MACROH2A2: variants seen among roughly 807,000 people sequenced by gnomAD.
MACROH2A2 encodes the protein macroH2A.2 histone.
In MACROH2A2, 6 loss-of-function variants were observed where a neutral mutation model predicts 37.6. The ratio of observed to expected loss-of-function variants is 0.16; its 90% CI spans 0.09 to 0.32. The LOEUF (loss-of-function observed/expected upper bound fraction) is 0.32. Ranked by LOEUF, MACROH2A2 falls within the 10% of genes least tolerant of loss-of-function variation. MACROH2A2 has a pLI of 1.00. For missense variants in MACROH2A2, 290 were observed against 485.9 expected (o/e 0.60, Z 3.79); for synonymous variants, 192 against 202.7 (o/e 0.95, Z 0.45).
rs74139271 is a variant in MACROH2A2 at position 70,109,034 on chromosome 10, C to T, written c.780C>T (p.Ala260=). Residue 260 remains alanine, a splice_region_variant and synonymous_variant, in exon 8 of 9, where the codon GCC becomes GCT. Coordinates refer to ENST00000373255, the MANE Select transcript of MACROH2A2 (RefSeq NM_018649.3). The stretch of plus-strand genomic sequence containing the variant: ...GGCATTTTCTCTCCTATGTCCCAGC[C>T]GCCGTCAGCCAATCCAGTGGACTCG... ...KSQGPLEVAE[A]AVSQSSGLAA... 2.1e-3 allele frequency: 3,404 copies of T among 1,613,880 alleles called. 46 individuals are homozygous for T. In the African/African-American group the frequency reaches 0.037, roughly 17 times the overall value.
chr10:70,103,417 A>G (rs1436780517), intron 7 of MACROH2A2, among the ~76,000 whole-genome samples: 2 of 152,202 alleles, frequency 1.3e-5, no homozygotes, highest in African/African-American at 4.8e-5. Flanking sequence ...TGTGTTGCCC[A>G]GGCTGATCTT....
At position 70,066,016 on chromosome 10, in the gene MACROH2A2, A is replaced by G. The variant is rs546062201; in HGVS notation, c.-59-9584A>G. ...GATAGTTCTGTTTCTGTAAGAAAACAAAGTTTAGGCCAGATGTGGTGGCTT... is the reference window on the plus strand; with the variant it reads ...GATAGTTCTGTTTCTGTAAGAAAACGAAGTTTAGGCCAGATGTGGTGGCTT... On this transcript the variant is annotated intron_variant, in intron 1 of 8. Transcript: ENST00000373255. Among the ~76,000 whole-genome samples, 25 of 152,362 alleles carry G rather than the reference A, an allele frequency of 1.6e-4. No homozygotes were observed. The South Asian group carries it at 4.6e-3, about 28-fold the overall frequency.
At chr10:70,106,389 T>A (rs572477439) in intron 7 of MACROH2A2, among the ~76,000 whole-genome samples, 7 of 152,244 alleles carry the variant, frequency 4.6e-5, no homozygotes, top group Non-Finnish European at 7.3e-5. Context: ...GCTGTGTTAT[T>A]CATTTCCAGT....
At position 70,061,451 on chromosome 10, in the gene MACROH2A2, G is replaced by T. The variant is rs116561384; in HGVS notation, c.-60+8451G>T. 5.4e-3 allele frequency among the ~76,000 whole-genome samples: 826 copies of T among 152,242 alleles called. 6 individuals carry two copies. Among genetic ancestry groups the T allele is most frequent in the African/African-American group, 0.019 (789 of 41,530 alleles). ...AAAATAGCATAAGGCCAATAATAAAGAAACAAGCTACATTATAGATCAACA... is the reference window on the plus strand; with the variant it reads ...AAAATAGCATAAGGCCAATAATAAATAAACAAGCTACATTATAGATCAACA... On this transcript the variant is annotated intron_variant, in intron 1 of 8. Transcript: ENST00000373255.
rs1268163159 is a variant in MACROH2A2 at position 70,111,618 on chromosome 10, C to G, written c.1054C>G (p.Leu352Val). ...GTCCTCGCTGAAGAACGTGTACTTC[C>G]TGCTCTTCGACAGCGAGAGCATCGG... Reference protein sequence around the residue: ...SASSLKNVYFLLFDSESIGIY... With the variant: ...SASSLKNVYFVLFDSESIGIY... Residue 352 changes from leucine to valine, a missense_variant, in exon 9 of 9, where the codon CTG becomes GTG. Leu to Val is a conservative substitution (Grantham distance 32). Around this residue, in one of 3 missense-constraint regions of MACROH2A2, gnomAD observed 130 missense variants for 257.1 expected, o/e 0.51. Coordinates refer to ENST00000373255, the MANE Select transcript of MACROH2A2 (RefSeq NM_018649.3). 2.5e-6 allele frequency: 4 copies of G among 1,613,584 alleles called. No individual in the cohort carries two copies. The South Asian group carries it at 4.4e-5, about 18-fold the overall frequency.
intron 2 of MACROH2A2, among the ~76,000 whole-genome samples, chr10:70,085,559 C>T (rs902431631): frequency 6.6e-6 from 1 of 152,208 alleles, no homozygotes; most frequent in Admixed American, 6.5e-5. Flanking sequence ...CTTCTGTGGG[C>T]TGGAATATCC....
In MACROH2A2 at chr10:70,111,593, G is replaced by A. The variant is rs776172903; in HGVS notation, c.1029G>A (p.Ala343=). ...CAGCCCACTTTGATGACTCGAGCGC[G>A]TCCTCGCTGAAGAACGTGTACTTCC... ...AISAHFDDSS[A]SSLKNVYFLL... is the part of the protein sequence containing the mutation. Residue 343 remains alanine (A), a synonymous_variant, in exon 9 of 9, where the codon GCG becomes GCA. Coordinates refer to ENST00000373255, the MANE Select transcript of MACROH2A2 (RefSeq NM_018649.3). 7 of 1,613,786 alleles carry A rather than the reference G, an allele frequency of 4.3e-6. 1 individual carries two copies. Among genetic ancestry groups the A allele is most frequent in the South Asian group, 2.2e-5 (2 of 90,974 alleles).
chr10:70,064,368 T>TA (rs2072067080), intron 1 of MACROH2A2, among the ~76,000 whole-genome samples: 1 of 152,116 alleles, frequency 6.6e-6, no homozygotes, highest in Non-Finnish European at 1.5e-5. Context: ...AGACTCCATC[T>TA]AAAAAAAGAT....
intron 7 of MACROH2A2, among the ~76,000 whole-genome samples, chr10:70,104,542 G>A (rs867606534): frequency 3.9e-5 from 6 of 152,308 alleles, no homozygotes; most frequent in African/African-American, 1.2e-4. Context: ...GGGCGTGGTG[G>A]TGGGTGCCTG....
intron 2 of MACROH2A2, among the ~76,000 whole-genome samples, chr10:70,082,490 T>C (rs914052691): frequency 1.3e-5 from 2 of 151,528 alleles, no homozygotes; most frequent in African/African-American, 2.4e-5. Flanking sequence ...TGTGCAACCA[T>C]GTTCTTAGCA....
intron 1 of MACROH2A2, among the ~76,000 whole-genome samples, chr10:70,066,764 G>A (rs1185855252): frequency 6.6e-6 from 1 of 152,116 alleles, no homozygotes; most frequent in Non-Finnish European, 1.5e-5. Context: ...CACTTTCATG[G>A]TCATTCTAAG....
intron 5 of MACROH2A2, 28 bp downstream of exon 5, chr10:70,093,873 A>G (rs116983359): frequency 0.011 from 13,034 of 1,160,078 alleles, 89 homozygotes; most frequent in Non-Finnish European, 0.015. Context: ...CTTGTGCTAT[A>G]TTAAAACACC....
intron 1 of MACROH2A2, among the ~76,000 whole-genome samples, chr10:70,072,389 T>C (rs1310361531): frequency 6.6e-6 from 1 of 152,144 alleles, no homozygotes. Flanking sequence ...GGAAAGTCTT[T>C]AGGGACAATA....
chr10:70,057,549 T>C (rs1009407128), intron 1 of MACROH2A2, among the ~76,000 whole-genome samples: 1 of 152,226 alleles, frequency 6.6e-6, no homozygotes, highest in Non-Finnish European at 1.5e-5. Flanking sequence ...CTATTTGCTG[T>C]CATGAGGGTT....
In MACROH2A2 at chr10:70,111,591, G is replaced by T. The variant is rs149708840; in HGVS notation, c.1027G>T (p.Ala343Ser). The change falls in exon 9 of 9, where the codon GCG (alanine) becomes TCG (serine). Residue 343 changes from alanine (A) to serine (S), a missense_variant. Coordinates refer to ENST00000373255, the MANE Select transcript of MACROH2A2 (RefSeq NM_018649.3). ...CTCAGCCCACTTTGATGACTCGAGC[G>T]CGTCCTCGCTGAAGAACGTGTACTT... ...AISAHFDDSS[A>S]SSLKNVYFLL... 8,347 of 1,613,740 alleles carry T rather than the reference G, an allele frequency of 5.2e-3. 31 individuals are homozygous for T. The highest frequency in any genetic ancestry group is 8.6e-3 in the Middle Eastern group (52 of 6,062).
intron 2 of MACROH2A2, among the ~76,000 whole-genome samples, chr10:70,076,790 G>C (rs1449790704): frequency 6.6e-6 from 1 of 152,124 alleles, no homozygotes; most frequent in African/African-American, 2.4e-5. Flanking sequence ...CCTCTGGGCT[G>C]TGGCAGGGCT....
intron 1 of MACROH2A2, among the ~76,000 whole-genome samples, chr10:70,066,079 G>A (rs917758972): frequency 9.9e-5 from 15 of 152,196 alleles, no homozygotes; most frequent in Non-Finnish European, 1.9e-4. Context: ...GCTGAGATGG[G>A]AGGATCACTT....
At chr10:70,086,640 C>T (rs908492876) in intron 2 of MACROH2A2, among the ~76,000 whole-genome samples, 4 of 152,234 alleles carry the variant, frequency 2.6e-5, no homozygotes, top group African/African-American at 7.2e-5. Flanking sequence ...TTGGGGAGGG[C>T]GCTTAATTTC....
chr10:70,110,566 C>T (rs1282625159), intron 8 of MACROH2A2, among the ~76,000 whole-genome samples: 4 of 152,104 alleles, frequency 2.6e-5, no homozygotes, highest in Non-Finnish European at 4.4e-5. Context: ...TAAAGCCAAG[C>T]TTGACTTGGT....
Sources: allele counts gnomAD v4.1 joint callset (sites outside exome capture counted in the v4.1 genomes callset), GRCh38; gene constraint gnomAD v4.1.1; regional missense constraint gnomAD v4.1.1; transcripts MANE v1.5; gene names NCBI Gene and HGNC (gene_info 2026-07-23, HGNC 2026-07-21).